Variants in MSN observed in about 807,000 individuals in gnomAD.
The protein encoded by MSN is moesin, also known as epididymis luminal protein 70.
Under a neutral mutation model 48.0 loss-of-function variants are expected in MSN, and 2 were observed. The observed-to-expected ratio is 0.04, with a 90% CI of 0.02 to 0.13. The LOEUF is 0.13. Ranked by LOEUF, MSN falls within the 10% of genes least tolerant of loss-of-function variation. The probability of loss-of-function intolerance (pLI) is 1.00; values close to 1 mark genes in which losing one functional copy is unlikely to be tolerated. For synonymous variants in MSN, 146 were observed against 166.9 expected (o/e 0.87, Z 0.97); for missense variants, 267 against 470.1 (o/e 0.57, Z 3.99).
intron 1 of MSN, among the ~76,000 whole-genome samples, chrX:65,604,462 A>G (rs1031621452): frequency 1.2e-4 from 13 of 112,250 alleles, no homozygotes; most frequent in Admixed American, 5.7e-4. Flanking sequence ...TGCGGTGTTA[A>G]TAGAGGTTAG....
At chrX:65,683,942 C>CTTTTTTTTTT (rs370356986) in intron 1 of MSN, among the ~76,000 whole-genome samples, 1 of 80,469 alleles carries the variant, frequency 1.2e-5, no homozygotes, top group Non-Finnish European at 2.8e-5. Context: ...CTTTCTTTTT[C>CTTTTTTTTTT]TTTTTTTTTT....
At chrX:65,705,284 C>T (rs1035508440) in intron 1 of MSN, among the ~76,000 whole-genome samples, 3 of 111,536 alleles carry the variant, frequency 2.7e-5, no homozygotes, top group Non-Finnish European at 5.6e-5. Context: ...AGGGAGAAGC[C>T]ATATGAGATT....
chrX:65,683,552 T>G lies in MSN; in HGVS notation c.12+15699T>G, dbSNP rs192458724. The stretch of plus-strand genomic sequence containing the variant: ...GAGATATTTTCCTCCCATCCACTCC[T>G]GAGAAAAGGGTAGGGCCAGCATTTG... On this transcript the variant is annotated intron_variant, in intron 1 of 12. Coordinates refer to ENST00000360270, the MANE Select transcript of MSN (RefSeq NM_002444.3). Among the ~76,000 whole-genome samples, 17 of 110,010 alleles carry G rather than the reference T, an allele frequency of 1.5e-4. No individual in the cohort carries two copies. In the East Asian group the frequency reaches 4.3e-3, roughly 28 times the overall value.
chrX:65,677,832 G>C (rs2071016185), intron 1 of MSN, among the ~76,000 whole-genome samples: 1 of 111,339 alleles, frequency 9.0e-6, no homozygotes, highest in Non-Finnish European at 1.9e-5. Context: ...TATTCCCCTT[G>C]GTGCCTGGGC....
Position 65,736,876 on chromosome X carries a change from G to T in MSN, c.1041G>T (p.Leu347=). 1 of 1,194,764 alleles carries T rather than the reference G, an allele frequency of 8.4e-7. No homozygotes were observed. Among genetic ancestry groups the T allele is most frequent in the Non-Finnish European group, 1.1e-6 (1 of 885,849 alleles). Residue 347 remains leucine (L), a synonymous_variant, in exon 9 of 13, where the codon CTG becomes CTT. Coordinates refer to ENST00000360270, the MANE Select transcript of MSN (RefSeq NM_002444.3). Reference sequence around the variant, plus strand: ...AGATTGAACGGGAGAAGGAGGAGCTGATGGAGAGGCTGAAGCAGATCGAGG... The same window carrying T: ...AGATTGAACGGGAGAAGGAGGAGCTTATGGAGAGGCTGAAGCAGATCGAGG... ...KEKIEREKEE[L]MERLKQIEEQ...
intron 1 of MSN, among the ~76,000 whole-genome samples, chrX:65,632,979 GAT>G (rs1458555375): frequency 9.0e-6 from 1 of 111,634 alleles, no homozygotes; most frequent in Non-Finnish European, 1.9e-5. Context: ...AGCCTTGAAG[GAT>G]AAGTTAGCTT....
intron 1 of MSN, among the ~76,000 whole-genome samples, chrX:65,599,984 A>G (rs1313437348): frequency 9.2e-6 from 1 of 108,137 alleles, no homozygotes; most frequent in East Asian, 3.1e-4. Flanking sequence ...GAGCCGTGAC[A>G]GATCTTTGCT....
At position 65,731,736 on chromosome X, in the gene MSN, A is replaced by T. The variant is rs2071624358; in HGVS notation, c.552-102A>T. ...CCTTTTGTCCCCTTTCCCACTCCTG[A>T]TAGCAAGATCCTTGTCAGAAGTACA... On this transcript the variant is annotated intron_variant, in intron 5 of 12. Transcript: ENST00000360270. 23 of 978,148 alleles carry T rather than the reference A, an allele frequency of 2.4e-5. No homozygotes were observed. The South Asian group carries it at 5.0e-4, about 21-fold the overall frequency. The allele number at this position is 978,148 out of a possible 1,213,427, so 80.6% of individuals were successfully genotyped here. A position where few individuals can be genotyped will look rare whatever the true frequency, so the allele number is the denominator to read the frequency against.
intron 1 of MSN, among the ~76,000 whole-genome samples, chrX:65,643,501 G>T (rs755649456): frequency 3.6e-5 from 4 of 111,222 alleles, no homozygotes; most frequent in Admixed American, 9.6e-5. Context: ...TAGGCCCAGC[G>T]CACATTCGAA....
intron 1 of MSN, among the ~76,000 whole-genome samples, chrX:65,653,638 CTCCATGTGTATGTTA>C (rs1381347977): frequency 9.2e-6 from 1 of 109,127 alleles, no homozygotes; most frequent in African/African-American, 3.3e-5. Context: ...AGCCTGTTTG[CTCCATGTGTATGTTA>C]TCCATGTGTA....
intron 1 of MSN, among the ~76,000 whole-genome samples, chrX:65,652,345 A>G (rs73629468): frequency 0.064 from 7,127 of 111,502 alleles, 580 homozygotes; most frequent in African/African-American, 0.22. Flanking sequence ...CTGGAGCTGG[A>G]CAAGTTTTTG....
chrX:65,602,401 A>G (rs1602709598), intron 1 of MSN, among the ~76,000 whole-genome samples: 1 of 111,805 alleles, frequency 8.9e-6, no homozygotes, highest in African/African-American at 3.3e-5. Flanking sequence ...CAGTCTTTTA[A>G]TGGGCCTCCC....
At chrX:65,672,959 C>G (rs1238322489) in intron 1 of MSN, among the ~76,000 whole-genome samples, 4 of 111,426 alleles carry the variant, frequency 3.6e-5, no homozygotes, top group Non-Finnish European at 7.5e-5. Flanking sequence ...CCTCTTGTCC[C>G]ATTATACTCC....
chrX:65,737,404 A>G (rs1272314310), intron 10 of MSN, 66 bp downstream of exon 10: 3 of 1,121,190 alleles, frequency 2.7e-6, no homozygotes, highest in African/African-American at 3.7e-5. Context: ...CTACTTACTT[A>G]TAGCTACTTT....
chrX:65,659,642 C>T (rs966273292), intron 1 of MSN, among the ~76,000 whole-genome samples: 3 of 111,392 alleles, frequency 2.7e-5, no homozygotes, highest in Admixed American at 1.9e-4. Context: ...CAGATGCCCC[C>T]GGCTTCCTTG....
intron 1 of MSN, among the ~76,000 whole-genome samples, chrX:65,677,522 C>A (rs1186333660): frequency 1.8e-5 from 2 of 112,053 alleles, no homozygotes; most frequent in African/African-American, 6.5e-5. Flanking sequence ...CTTTGAGAGG[C>A]TGAGGCAGGT....
intron 2 of MSN, among the ~76,000 whole-genome samples, chrX:65,717,794 A>C (rs1223142771): frequency 9.0e-6 from 1 of 111,304 alleles, no homozygotes; most frequent in Non-Finnish European, 1.9e-5. Context: ...GCTGCATATC[A>C]CCCTGATGGA....
At chrX:65,731,602 C>T (rs181782406) in intron 5 of MSN, among the ~76,000 whole-genome samples, 1 of 110,662 alleles carries the variant, frequency 9.0e-6, no homozygotes, top group Admixed American at 9.7e-5. Flanking sequence ...CAGAGGCCAG[C>T]AAGGGTCAGC....
At chrX:65,672,752 G>A (rs186945265) in intron 1 of MSN, among the ~76,000 whole-genome samples, 1 of 111,397 alleles carries the variant, frequency 9.0e-6, no homozygotes, top group East Asian at 2.8e-4. Context: ...TTGTCATGAG[G>A]GAGCTGTACC....
Sources: allele counts gnomAD v4.1 joint callset (sites outside exome capture counted in the v4.1 genomes callset), GRCh38; gene constraint gnomAD v4.1.1; transcripts MANE v1.5; gene names NCBI Gene and HGNC (gene_info 2026-07-23, HGNC 2026-07-21).